Variants in GABRG3 observed in about 807,000 individuals in gnomAD.
GABRG3 encodes gamma-aminobutyric acid receptor subunit gamma-3.
In GABRG3, 25 loss-of-function variants were observed where a neutral mutation model predicts 48.8. The observed-to-expected ratio is 0.51, with a 90% CI of 0.37 to 0.72. The LOEUF (loss-of-function observed/expected upper bound fraction) is 0.72, where lower values mean the gene tolerates loss of function less well. GABRG3 is among the 30% of genes least tolerant of loss of function. The pLI is 0.00. For missense variants in GABRG3, 394 were observed against 577.9 expected (o/e 0.68, Z 3.26); for synonymous variants, 227 against 217.6 (o/e 1.04, Z -0.38).
At chr15:27,519,146 C>T (rs1482124953) in intron 6 of GABRG3, among the ~76,000 whole-genome samples, 2 of 152,070 alleles carry the variant, frequency 1.3e-5, no homozygotes, top group East Asian at 3.9e-4. Flanking sequence ...CTGAATCCAG[C>T]AGGCTAAAGG....
intron 3 of GABRG3, among the ~76,000 whole-genome samples, chr15:27,211,288 T>C (rs1889071688): frequency 6.6e-6 from 1 of 152,146 alleles, no homozygotes; most frequent in East Asian, 1.9e-4. Context: ...CAAAACATTA[T>C]TATAGAAATG....
At chr15:27,406,005 T>C (rs1184863080) in intron 5 of GABRG3, among the ~76,000 whole-genome samples, 1 of 152,008 alleles carries the variant, frequency 6.6e-6, no homozygotes, top group African/African-American at 2.4e-5. Context: ...AACAAATTAA[T>C]AATGAAGCCA....
At chr15:27,043,639 C>T (rs1409356481) in intron 3 of GABRG3, among the ~76,000 whole-genome samples, 1 of 152,220 alleles carries the variant, frequency 6.6e-6, no homozygotes, top group Non-Finnish European at 1.5e-5. Context: ...AACACTCATT[C>T]TATCTCATGG....
At chr15:27,461,436 G>A (rs939585669) in intron 5 of GABRG3, among the ~76,000 whole-genome samples, 1 of 152,172 alleles carries the variant, frequency 6.6e-6, no homozygotes, top group Non-Finnish European at 1.5e-5. Context: ...CAAGAATGAA[G>A]CCTCGGACCC....
chr15:27,149,767 A>G (rs1425827542), intron 3 of GABRG3, among the ~76,000 whole-genome samples: 2 of 152,200 alleles, frequency 1.3e-5, no homozygotes, highest in Non-Finnish European at 2.9e-5. Context: ...ATTTTTGACA[A>G]GGGCTAAAGA....
chr15:27,428,629 A>AG (rs11464254), intron 5 of GABRG3, among the ~76,000 whole-genome samples: 5,795 of 152,264 alleles, frequency 0.038, 348 homozygotes, highest in African/African-American at 0.13. Context: ...GTTCATTTTT[A>AG]GGGGGGTTGT....
intron 6 of GABRG3, among the ~76,000 whole-genome samples, chr15:27,505,269 A>C (rs1480751230): frequency 6.6e-6 from 1 of 152,148 alleles, no homozygotes; most frequent in African/African-American, 2.4e-5. Flanking sequence ...ACATGATGCC[A>C]ATATAACTTA....
At chr15:27,251,860 G>C (rs11630979) in intron 3 of GABRG3, among the ~76,000 whole-genome samples, 78,637 of 151,956 alleles carry the variant, frequency 0.52, 20,737 homozygotes, top group African/African-American at 0.59. Flanking sequence ...CCTACCCCCT[G>C]TCTCTGCCTC....
intron 3 of GABRG3, among the ~76,000 whole-genome samples, chr15:27,123,447 A>T (rs115106459): frequency 1.3e-3 from 201 of 152,328 alleles, no homozygotes; most frequent in Middle Eastern, 6.8e-3. Context: ...CCAGCATGAG[A>T]GGACACAGCA....
intron 2 of GABRG3, among the ~76,000 whole-genome samples, chr15:27,024,779 C>G (rs774899244): frequency 2.6e-5 from 4 of 152,234 alleles, no homozygotes; most frequent in Admixed American, 6.5e-5. Context: ...GTATTCCCAG[C>G]ACTTTGGGAG....
intron 3 of GABRG3, among the ~76,000 whole-genome samples, chr15:27,134,489 CTGTT>C (rs1897973697): frequency 6.6e-6 from 1 of 152,204 alleles, no homozygotes; most frequent in Non-Finnish European, 1.5e-5. Context: ...TTAGCCTCCT[CTGTT>C]TGGCTTCTGG....
chr15:27,468,538 G>A (rs1889687216), intron 5 of GABRG3, among the ~76,000 whole-genome samples: 1 of 152,080 alleles, frequency 6.6e-6, no homozygotes, highest in South Asian at 2.1e-4. Flanking sequence ...GGTATTTCAG[G>A]GTCTTATCAG....
chr15:27,374,372 C>T (rs570288014), intron 5 of GABRG3, among the ~76,000 whole-genome samples: 1 of 152,176 alleles, frequency 6.6e-6, no homozygotes, highest in African/African-American at 2.4e-5. Context: ...CTCAAGCAAT[C>T]CTCCTGCCTC....
At chr15:27,464,494 TTCTGGGTCCTACGGTAAC>T (rs1889543308) in intron 5 of GABRG3, among the ~76,000 whole-genome samples, 1 of 152,196 alleles carries the variant, frequency 6.6e-6, no homozygotes, top group South Asian at 2.1e-4. Flanking sequence ...GGACTGGAAT[TTCTGGGTCCTACGGTAAC>T]TCTGCATTTA....
Position 27,536,174 on chromosome 15 carries a change from A to T in GABRG3, c.*3293A>T, listed in dbSNP as rs898622631. On this transcript the variant is annotated 3_prime_UTR_variant, in exon 10 of 10. Coordinates refer to ENST00000615808, the MANE Select transcript of GABRG3 (RefSeq NM_033223.5). ...TTTAAGCTGCATACTGGGTGGGGGG[A>T]AAGCAAAGAAAAGGCATTTCACATT... 2.6e-5 allele frequency: 4 copies of T among 152,138 alleles called. No homozygotes were observed. Among genetic ancestry groups the T allele is most frequent in the Non-Finnish European group, 4.4e-5 (3 of 68,056 alleles). The allele number at this position is 152,138 out of a possible 1,614,324, so 9.4% of individuals were successfully genotyped here.
At chr15:27,475,168 GA>G (rs1414332101) in intron 5 of GABRG3, among the ~76,000 whole-genome samples, 2 of 152,094 alleles carry the variant, frequency 1.3e-5, no homozygotes, top group Non-Finnish European at 2.9e-5. Flanking sequence ...TGGATTTGGG[GA>G]ACATGACAAT....
chr15:27,427,559 A>G (rs759216048), intron 5 of GABRG3, among the ~76,000 whole-genome samples: 7 of 152,188 alleles, frequency 4.6e-5, no homozygotes, highest in Admixed American at 3.9e-4. Flanking sequence ...TAATGCTTCT[A>G]TTATTTTCCT....
chr15:27,163,896 C>T (rs556941432), intron 3 of GABRG3, among the ~76,000 whole-genome samples: 2 of 152,280 alleles, frequency 1.3e-5, no homozygotes, highest in African/African-American at 4.8e-5. Context: ...TGGCATCTCT[C>T]CCCTGCAGGG....
At chr15:27,355,081 C>T (rs111615861) in intron 5 of GABRG3, among the ~76,000 whole-genome samples, 1,538 of 152,216 alleles carry the variant, frequency 0.01, 30 homozygotes, top group African/African-American at 0.035. Context: ...TGGCCATTGC[C>T]GGCAGCTAAA....
Sources: allele counts gnomAD v4.1 joint callset (sites outside exome capture counted in the v4.1 genomes callset), GRCh38; gene constraint gnomAD v4.1.1; transcripts MANE v1.5; gene names NCBI Gene and HGNC (gene_info 2026-07-23, HGNC 2026-07-21).